Variants in ITGB3BP observed in about 807,000 individuals in gnomAD.
The protein encoded by ITGB3BP is integrin subunit beta 3 binding protein.
ITGB3BP carries 27 observed loss-of-function variants against 29.1 expected under a neutral mutation model. The ratio of observed to expected loss-of-function variants is 0.93; its 90% CI spans 0.68 to 1.28. The LOEUF (loss-of-function observed/expected upper bound fraction) is 1.28, where lower values mean the gene tolerates loss of function less well. ITGB3BP is among the 50% of genes most tolerant of loss of function. The pLI, the probability that ITGB3BP is intolerant of heterozygous loss-of-function variation, is 0.00. For synonymous variants in ITGB3BP, 61 were observed against 61.4 expected (o/e 0.99, Z 0.03); for missense variants, 192 against 200.2 (o/e 0.96, Z 0.25).
intron 3 of ITGB3BP, among the ~76,000 whole-genome samples, chr1:63,487,866 G>A (rs1043797391): frequency 5.9e-5 from 9 of 152,054 alleles, no homozygotes; most frequent in Non-Finnish European, 1.0e-4. Context: ...TGTGAGTAAC[G>A]TGTTGTGCTA....
At chr1:63,459,680 G>A (rs1644985063) in intron 4 of ITGB3BP, among the ~76,000 whole-genome samples, 1 of 151,974 alleles carries the variant, frequency 6.6e-6, no homozygotes, top group Admixed American at 6.6e-5. Context: ...CCATTTTACA[G>A]CTATGAAAAC....
intron 4 of ITGB3BP, among the ~76,000 whole-genome samples, chr1:63,476,139 A>G (rs966054139): frequency 5.3e-5 from 8 of 151,850 alleles, no homozygotes; most frequent in African/African-American, 1.7e-4. Flanking sequence ...GTCTCAAGCA[A>G]TCTTCTTTCC....
At chr1:63,527,351 A>C (rs1186432323), upstream of ITGB3BP, among the ~76,000 whole-genome samples, 1 of 152,170 alleles carries the variant, frequency 6.6e-6, no homozygotes, top group Non-Finnish European at 1.5e-5. Context: ...GTAATAATTG[A>C]TTTTAGATAA....
chr1:63,458,409 C>T (rs1163673303), intron 4 of ITGB3BP: 1 of 152,018 alleles, frequency 6.6e-6, no homozygotes, highest in African/African-American at 2.4e-5. Context: ...TAAATTGGTG[C>T]TTCTAATTCA....
chr1:63,451,298 A>AG (rs542843456), intron 7 of ITGB3BP, among the ~76,000 whole-genome samples: 141 of 152,046 alleles, frequency 9.3e-4, no homozygotes, highest in African/African-American at 3.3e-3. Flanking sequence ...AATTTTCATA[A>AG]TTACCTTAAC....
intron 4 of ITGB3BP, among the ~76,000 whole-genome samples, chr1:63,468,631 G>A (rs1356261173): frequency 6.6e-6 from 1 of 151,474 alleles, no homozygotes; most frequent in Non-Finnish European, 1.5e-5. Context: ...GGAGGCCGAG[G>A]CGGGCGGACC....
intron 1 of ITGB3BP, among the ~76,000 whole-genome samples, chr1:63,521,511 A>AT (rs1491458966): frequency 6.6e-6 from 1 of 152,152 alleles, no homozygotes; most frequent in East Asian, 1.9e-4. Flanking sequence ...TCTTGTGTGC[A>AT]TATGTTAGGA....
At chr1:63,452,723 T>C (rs1019017156) in intron 7 of ITGB3BP, among the ~76,000 whole-genome samples, 6 of 152,046 alleles carry the variant, frequency 3.9e-5, no homozygotes, top group Non-Finnish European at 8.8e-5. Context: ...TAGACGTTAG[T>C]TGTTCAACTG....
Position 63,452,867 on chromosome 1 carries a change from A to G in ITGB3BP, c.484+1051T>C, listed in dbSNP as rs147182459. ...GCAATCCCAGCACTTTCCATTGCCA[A>G]CCGATCACTGGCTTATTAAAGGTTC... On this transcript the variant is annotated intron_variant, in intron 7 of 8. Coordinates refer to ENST00000271002, the MANE Select transcript of ITGB3BP (RefSeq NM_014288.5). Among the ~76,000 whole-genome samples, 1,208 of 152,248 alleles carry G rather than the reference A, an allele frequency of 7.9e-3. 14 individuals carry two copies. Among genetic ancestry groups the G allele is most frequent in the African/African-American group, 0.026 (1,094 of 41,528 alleles).
upstream of ITGB3BP, among the ~76,000 whole-genome samples, chr1:63,526,164 G>A (rs566736289): frequency 6.6e-6 from 1 of 152,314 alleles, no homozygotes; most frequent in Admixed American, 6.5e-5. Context: ...GTGAAGTACT[G>A]AGAGATAAGT....
intron 8 of ITGB3BP, among the ~76,000 whole-genome samples, chr1:63,444,745 G>A (rs1644770737): frequency 6.6e-6 from 1 of 151,108 alleles, no homozygotes; most frequent in African/African-American, 2.4e-5. Context: ...ACCTTGGCCA[G>A]TAGTGAAACC....
intron 1 of ITGB3BP, among the ~76,000 whole-genome samples, chr1:63,519,733 C>A (rs1455949524): frequency 6.6e-6 from 1 of 151,952 alleles, no homozygotes. Flanking sequence ...AATCAACCCA[C>A]AAAATAAAAA....
At chr1:63,458,854 T>C (rs567968838) in intron 4 of ITGB3BP, among the ~76,000 whole-genome samples, 1 of 152,176 alleles carries the variant, frequency 6.6e-6, no homozygotes, top group Non-Finnish European at 1.5e-5. Flanking sequence ...CCAGTGACCA[T>C]CCATCCCTAG....
At chr1:63,504,331 A>C (rs988865104) in intron 2 of ITGB3BP, among the ~76,000 whole-genome samples, 1 of 151,850 alleles carries the variant, frequency 6.6e-6, no homozygotes, top group Non-Finnish European at 1.5e-5. Context: ...TTGGTGTATA[A>C]GAATGCTTGT....
chr1:63,508,458 GA>G, intron 2 of ITGB3BP, 69 bp downstream of exon 2: 1 of 673,550 alleles, frequency 1.5e-6, no homozygotes, highest in Non-Finnish European at 2.5e-6. Context: ...AATATTTAAC[GA>G]GATAAATCAG....
intron 4 of ITGB3BP, among the ~76,000 whole-genome samples, chr1:63,471,746 A>G (rs1454385671): frequency 6.6e-6 from 1 of 151,870 alleles, no homozygotes; most frequent in African/African-American, 2.4e-5. Context: ...AAAACTTCTT[A>G]CTCCCTTAAT....
Position 63,490,074 on chromosome 1 carries a change from T to C in ITGB3BP, c.184+9A>G. The stretch of plus-strand genomic sequence containing the variant: ...CCTTACAATAAGTAGAAAAGAATGT[T>C]CAACTAACCATTTGATAGTCCATTT... On this transcript the variant is annotated intron_variant, in intron 3 of 8. Transcript: ENST00000271002. The C allele has an allele frequency of 6.2e-7, 1 of 1,606,002 alleles. No individual in the cohort carries two copies. The highest frequency in any genetic ancestry group is 8.5e-7 in the Non-Finnish European group (1 of 1,176,662).
At chr1:63,476,236 T>C (rs1175198959) in intron 4 of ITGB3BP, among the ~76,000 whole-genome samples, 2 of 151,642 alleles carry the variant, frequency 1.3e-5, no homozygotes, top group African/African-American at 4.8e-5. Context: ...CGATATCAAC[T>C]CACTGCAACC....
chr1:63,503,435 C>T (rs1045620439), intron 2 of ITGB3BP, among the ~76,000 whole-genome samples: 5 of 152,074 alleles, frequency 3.3e-5, no homozygotes, highest in African/African-American at 9.6e-5. Context: ...GAGTAGATTG[C>T]AAAAATTTTC....
Sources: gnomAD v4.1 joint callset for allele counts (sites outside exome capture counted in the v4.1 genomes callset) on GRCh38, gnomAD v4.1.1 for gene constraint, MANE v1.5 for transcripts, NCBI Gene and HGNC (gene_info 2026-07-23, HGNC 2026-07-21) for gene names.